HACD2: variants seen among roughly 807,000 people sequenced by gnomAD.
HACD2 encodes 3-hydroxyacyl-CoA dehydratase 2.
Under a neutral mutation model 31.0 loss-of-function variants are expected in HACD2, and 15 were observed. That is an observed-to-expected ratio of 0.48 (90% CI 0.32 to 0.75). The LOEUF is 0.75. Among genes scored for constraint, HACD2 ranks in the 30% least tolerant of loss-of-function variants. HACD2 has a pLI of 0.03. For missense variants in HACD2, 283 were observed against 313.0 expected (o/e 0.90, Z 0.72); for synonymous variants, 115 against 122.2 (o/e 0.94, Z 0.39).
chr3:123,533,654 A>T (rs150585681), intron 3 of HACD2, among the ~76,000 whole-genome samples: 3 of 152,240 alleles, frequency 2.0e-5, no homozygotes, highest in African/African-American at 4.8e-5. Context: ...AATTCATTCA[A>T]AAAAGATGTA....
chr3:123,564,300 G>A (rs1435170388), intron 3 of HACD2, among the ~76,000 whole-genome samples: 1 of 152,202 alleles, frequency 6.6e-6, no homozygotes, highest in African/African-American at 2.4e-5. Context: ...CTCATGCCAT[G>A]AGAAGAGATC....
intron 3 of HACD2, among the ~76,000 whole-genome samples, chr3:123,555,087 T>C (rs7619010): frequency 0.11 from 17,303 of 152,032 alleles, 1,549 homozygotes; most frequent in African/African-American, 0.26. Flanking sequence ...CTTAAAAAAA[T>C]AGACATTGAA....
intron 6 of HACD2, chr3:123,499,789 T>C (rs573884860): frequency 8.9e-6 from 3 of 338,028 alleles, no homozygotes; most frequent in African/African-American, 2.1e-5. Flanking sequence ...AAATCAATCA[T>C]AGGATTTATA....
chr3:123,520,178 C>T (rs933463033), intron 4 of HACD2, among the ~76,000 whole-genome samples: 2 of 152,196 alleles, frequency 1.3e-5, no homozygotes, highest in Non-Finnish European at 2.9e-5. Flanking sequence ...TCATTTCCCA[C>T]ACCTGCAATT....
At chr3:123,510,684 G>T (rs1334226966) in intron 4 of HACD2, among the ~76,000 whole-genome samples, 1 of 152,188 alleles carries the variant, frequency 6.6e-6, no homozygotes. Flanking sequence ...CATTTGGGCT[G>T]TTCCTATCTT....
chr3:123,539,643 A>C (rs1427392558), intron 3 of HACD2, among the ~76,000 whole-genome samples: 1 of 152,076 alleles, frequency 6.6e-6, no homozygotes, highest in Non-Finnish European at 1.5e-5. Context: ...ACAATAATTT[A>C]AAATCATGAG....
At chr3:123,524,643 T>C (rs1463892043) in intron 4 of HACD2, among the ~76,000 whole-genome samples, 2 of 152,156 alleles carry the variant, frequency 1.3e-5, no homozygotes, top group Non-Finnish European at 2.9e-5. Context: ...ACAACAAAAG[T>C]TAAAAACATT....
At chr3:123,545,090 G>C (rs1198490844) in intron 3 of HACD2, among the ~76,000 whole-genome samples, 3 of 144,106 alleles carry the variant, frequency 2.1e-5, no homozygotes, top group Non-Finnish European at 4.5e-5. Context: ...TCTGGGTAAT[G>C]AGATCAAGGG....
chr3:123,521,101 C>T lies in HACD2; in HGVS notation c.381+7285G>A, dbSNP rs577270538. 3.3e-5 allele frequency among the ~76,000 whole-genome samples: 5 copies of T among 152,188 alleles called. No homozygotes were observed. The South Asian group carries it at 1.0e-3, about 32-fold the overall frequency. On this transcript the variant is annotated intron_variant, in intron 4 of 6. Transcript: ENST00000383657. Reference sequence around the variant, plus strand: ...ATACATATGTTAAGATACCACCCGACAGTATAGACACATCTTATGCTTGAA... The same window carrying T: ...ATACATATGTTAAGATACCACCCGATAGTATAGACACATCTTATGCTTGAA...
At chr3:123,556,200 G>C (rs529883681) in intron 3 of HACD2, among the ~76,000 whole-genome samples, 1 of 152,208 alleles carries the variant, frequency 6.6e-6, no homozygotes, top group Admixed American at 6.5e-5. Context: ...ACTTTGGGAG[G>C]CCAAGGCAGG....
rs968736553 is a variant in HACD2, at chr3:123,492,379, T to C, written c.*2509A>G. On this transcript the variant is annotated 3_prime_UTR_variant, in exon 7 of 7. Coordinates refer to ENST00000383657, the MANE Select transcript of HACD2 (RefSeq NM_198402.5). ...AACATGACCTTCCTTGTTCACACTT[T>C]ATAAGAAGGTGTGACATTTGGTGGT... The C allele has an allele frequency of 3.3e-5, 5 of 152,226 alleles. No homozygotes were observed. The highest frequency in any genetic ancestry group is 7.3e-5 in the Non-Finnish European group (5 of 68,044). 9.4% of individuals were successfully genotyped at this position (152,226 alleles called of 1,614,324 possible).
chr3:123,495,270 T>C (rs1005524756), intron 6 of HACD2, among the ~76,000 whole-genome samples: 6 of 152,364 alleles, frequency 3.9e-5, no homozygotes, highest in Admixed American at 3.3e-4. Context: ...CGCTCATTCA[T>C]GTATTATCTC....
In HACD2 at chr3:123,585,028, G is replaced by A. The variant is rs992520584; in HGVS notation, c.-1C>T. 10 of 1,492,380 alleles carry A rather than the reference G, an allele frequency of 6.7e-6. No homozygotes were observed. In the Admixed American group the frequency reaches 1.4e-4, roughly 20 times the overall value. The allele number at this position is 1,492,380 out of a possible 1,614,324, so 92.4% of individuals were successfully genotyped here. A position where few individuals can be genotyped will look rare whatever the true frequency, so the allele number is the denominator to read the frequency against. ...CTGCAGTCGCCGCCACTGCCGCCAT[G>A]TCAAGTGCCCGAAGCCCGCTCTCCT... On this transcript the variant is annotated 5_prime_UTR_variant, in exon 1 of 7. Transcript: ENST00000383657.
rs1336277786 is a variant in HACD2 at position 123,494,716 on chromosome 3, TA to T, written c.*171del. 33 of 633,926 alleles carry T rather than the reference TA, an allele frequency of 5.2e-5. No homozygotes were observed. The highest frequency in any genetic ancestry group is 8.0e-5 in the Non-Finnish European group (29 of 361,080). The allele number at this position is 633,926 out of a possible 1,614,324, so 39.3% of individuals were successfully genotyped here. ...GGTGTTTTATGTAACAACCTTTTTC[TA>T]AAATAAAATCTCAGGCCCATGTGAC... On this transcript the variant is annotated 3_prime_UTR_variant, in exon 7 of 7. Transcript: ENST00000383657.
At chr3:123,557,636 C>CA (rs1305463131) in intron 3 of HACD2, among the ~76,000 whole-genome samples, 1 of 151,830 alleles carries the variant, frequency 6.6e-6, no homozygotes, top group Admixed American at 6.6e-5. Context: ...GAGACTGTCT[C>CA]AAAAAAATAA....
At chr3:123,498,473 C>A (rs1262734650) in intron 6 of HACD2, among the ~76,000 whole-genome samples, 2 of 152,304 alleles carry the variant, frequency 1.3e-5, no homozygotes, top group African/African-American at 4.8e-5. Flanking sequence ...GAGTGGTGGG[C>A]AAATGAGCAT....
intron 2 of HACD2, 28 bp downstream of exon 2, chr3:123,582,184 A>C (rs935301977): frequency 7.2e-7 from 1 of 1,382,544 alleles, no homozygotes; most frequent in Non-Finnish European, 1.0e-6. Flanking sequence ...AATGGAAATC[A>C]ATAACAACAA....
chr3:123,513,755 C>T (rs2056096952), intron 4 of HACD2, among the ~76,000 whole-genome samples: 1 of 152,158 alleles, frequency 6.6e-6, no homozygotes, highest in South Asian at 2.1e-4. Flanking sequence ...TTACTTTCTC[C>T]ATTCCAGAAT....
chr3:123,584,995 C>G lies in HACD2; in HGVS notation c.33G>C (p.Lys11Asn), dbSNP rs2057014365. The change falls in exon 1 of 7, where the codon AAG becomes AAC. Residue 11 changes from lysine to asparagine, a missense_variant. This residue lies in a region of HACD2 where 158 missense variants were observed against 148.3 expected (regional missense o/e 1.07). Coordinates refer to ENST00000383657, the MANE Select transcript of HACD2 (RefSeq NM_198402.5). ...CCCTGCCACCGCCGCCCCCATTCCCCTTCGCTGCTGCAGTCGCCGCCACTG... is the reference window on the plus strand; with the variant it reads ...CCCTGCCACCGCCGCCCCCATTCCCGTTCGCTGCTGCAGTCGCCGCCACTG... MAAVAATAAA[K>N]GNGGGGGRAG... 6.6e-7 allele frequency: 1 copy of G among 1,522,506 alleles called. No individual in the cohort carries two copies. Among genetic ancestry groups the G allele is most frequent in the Non-Finnish European group, 8.8e-7 (1 of 1,136,516 alleles). The allele number at this position is 1,522,506 out of a possible 1,614,324, so 94.3% of individuals were successfully genotyped here. A position where few individuals can be genotyped will look rare whatever the true frequency, so the allele number is the denominator to read the frequency against.
Sources: gnomAD v4.1 joint callset for allele counts (sites outside exome capture counted in the v4.1 genomes callset) on GRCh38, gnomAD v4.1.1 for gene constraint, gnomAD v4.1.1 regional missense constraint, MANE v1.5 for transcripts, NCBI Gene and HGNC (gene_info 2026-07-23, HGNC 2026-07-21) for gene names.